NDUFAF6: variants seen among roughly 807,000 people sequenced by gnomAD.
The protein encoded by NDUFAF6 is NADH dehydrogenase (ubiquinone) complex I, assembly factor 6.
In NDUFAF6, 45 loss-of-function variants were observed where a neutral mutation model predicts 40.8. The observed-to-expected ratio is 1.10, with a 90% CI of 0.87 to 1.42. The LOEUF (loss-of-function observed/expected upper bound fraction) is 1.42, where lower values mean the gene tolerates loss of function less well. Among genes scored for constraint, NDUFAF6 ranks in the 40% most tolerant of loss-of-function variants. The pLI is 0.00. For missense variants in NDUFAF6, 435 were observed against 418.5 expected (o/e 1.04, Z -0.34); for synonymous variants, 185 against 155.9 (o/e 1.19, Z -1.39).
intron 1 of NDUFAF6, among the ~76,000 whole-genome samples, chr8:94,937,547 GGGA>G (rs1821107997): frequency 6.6e-6 from 1 of 152,122 alleles, no homozygotes; most frequent in East Asian, 1.9e-4. Context: ...AGAAGGGATG[GGGA>G]GGAGGATGCT....
chr8:94,997,393 G>A (rs760862782), intron 2 of NDUFAF6, among the ~76,000 whole-genome samples: 1 of 151,434 alleles, frequency 6.6e-6, no homozygotes, highest in Non-Finnish European at 1.5e-5. Context: ...GACAGATTTT[G>A]AGTATTTAAT....
chr8:95,058,186 G>T lies in NDUFAF6; in HGVS notation c.*249G>T. The T allele has an allele frequency of 7.0e-7, 1 of 1,420,112 alleles. No individual in the cohort carries two copies. Among genetic ancestry groups the T allele is most frequent in the South Asian group, 1.6e-5 (1 of 61,538 alleles). The allele number at this position is 1,420,112 out of a possible 1,614,324, so 88.0% of individuals were successfully genotyped here. A position where few individuals can be genotyped will look rare whatever the true frequency, so the allele number is the denominator to read the frequency against. ...TGCTGTGCTGTCCCTGGAAGCTGGA[G>T]CTCCAACAGGGAATATTGGTGTAGC... is the stretch of plus-strand genomic sequence containing the variant. On this transcript the variant is annotated 3_prime_UTR_variant, in exon 9 of 9. Transcript: ENST00000396124.
chr8:95,028,333 C>T (rs1445714327), intron 1 of NDUFAF6, among the ~76,000 whole-genome samples: 1 of 152,138 alleles, frequency 6.6e-6, no homozygotes, highest in East Asian at 1.9e-4. Flanking sequence ...TTATCTGGGA[C>T]TGGATAATCT....
chr8:94,896,079 C>G (rs1035937201), intron 1 of NDUFAF6, among the ~76,000 whole-genome samples: 1 of 152,218 alleles, frequency 6.6e-6, no homozygotes, highest in Non-Finnish European at 1.5e-5. Flanking sequence ...CGCGCCACGC[C>G]GCGCCCTCCC....
rs866556035 is a variant in NDUFAF6 at position 95,014,750 on chromosome 8, A to G, written c.-83-17245A>G. On this transcript the variant is annotated intron_variant, in intron 2 of 9. Transcript: ENST00000396111. ...GTCTATGAATACTTTAGGCACAGCT[A>G]GGATTTGGGGATCAACCCATATTGT... 2.6e-5 allele frequency among the ~76,000 whole-genome samples: 4 copies of G among 152,336 alleles called. 1 individual carries two copies. Among genetic ancestry groups the G allele is most frequent in the South Asian group, 2.1e-4 (1 of 4,830 alleles).
At chr8:95,043,044 A>G (rs570435725) in intron 4 of NDUFAF6, among the ~76,000 whole-genome samples, 32 of 152,100 alleles carry the variant, frequency 2.1e-4, no homozygotes, top group Admixed American at 6.5e-4. Context: ...AGGGGAAAGC[A>G]TAGGTGTAAA....
rs910314252 is a variant in NDUFAF6, at chr8:95,102,121, C to T, written n.231-855C>T. On this transcript the variant is annotated intron_variant and non_coding_transcript_variant, in intron 2 of 2. Transcript: ENST00000521063. ...CAAGTGATTCTCCTGCTTCAGCTTC[C>T]CAAGTAGTTGGGATTACAGTGCCCG... 4.6e-5 allele frequency among the ~76,000 whole-genome samples: 7 copies of T among 152,264 alleles called. 1 individual carries two copies.
chr8:94,999,754 C>A (rs1826632141), intron 2 of NDUFAF6, among the ~76,000 whole-genome samples: 1 of 152,084 alleles, frequency 6.6e-6, no homozygotes, highest in South Asian at 2.1e-4. Flanking sequence ...TCATAACTTT[C>A]TACATTGATT....
chr8:94,932,717 G>A (rs1290299011), intron 1 of NDUFAF6, among the ~76,000 whole-genome samples: 1 of 152,106 alleles, frequency 6.6e-6, no homozygotes. Flanking sequence ...GCAGGAGAAC[G>A]GCATGAACCC....
intron 1 of NDUFAF6, among the ~76,000 whole-genome samples, chr8:94,910,281 T>A (rs1263858058): frequency 6.6e-6 from 1 of 152,172 alleles, no homozygotes; most frequent in Admixed American, 6.5e-5. Context: ...GCCTCCCAAG[T>A]AGCTGGGATT....
chr8:94,949,572 C>G (rs965229380), intron 2 of NDUFAF6, among the ~76,000 whole-genome samples: 8 of 152,002 alleles, frequency 5.3e-5, no homozygotes, highest in Middle Eastern at 6.8e-3. Context: ...AAACCGGGAG[C>G]TGAGCGTGAA....
At chr8:95,088,089 C>G (rs1809109044) in intron 2 of NDUFAF6, among the ~76,000 whole-genome samples, 1 of 152,208 alleles carries the variant, frequency 6.6e-6, no homozygotes, top group Admixed American at 6.5e-5. Flanking sequence ...TGCTCGCCAC[C>G]CCCATGAGGT....
chr8:95,094,972 G>A (rs1809405925), intron 2 of NDUFAF6, among the ~76,000 whole-genome samples: 1 of 151,036 alleles, frequency 6.6e-6, no homozygotes, highest in African/African-American at 2.5e-5. Flanking sequence ...TCACTGTGTT[G>A]CCCAGGTTGG....
chr8:94,976,359 C>G (rs1176197057), intron 1 of NDUFAF6, among the ~76,000 whole-genome samples: 1 of 151,528 alleles, frequency 6.6e-6, no homozygotes, highest in Non-Finnish European at 1.5e-5. Flanking sequence ...CAAAAATTAG[C>G]TGGGTGTGGT....
intron 2 of NDUFAF6, among the ~76,000 whole-genome samples, chr8:94,996,762 A>G (rs771840471): frequency 6.6e-6 from 1 of 152,172 alleles, no homozygotes; most frequent in Non-Finnish European, 1.5e-5. Context: ...CTAAAATGAC[A>G]TCATTAGGGT....
chr8:95,114,790 T>C (rs1294725556), intron 4 of NDUFAF6, among the ~76,000 whole-genome samples: 2 of 152,188 alleles, frequency 1.3e-5, no homozygotes, highest in African/African-American at 2.4e-5. Context: ...CTTTAACATA[T>C]TGTTGAGATT....
At chr8:94,959,295 G>A (rs1823355907) in intron 1 of NDUFAF6, among the ~76,000 whole-genome samples, 1 of 152,148 alleles carries the variant, frequency 6.6e-6, no homozygotes, top group African/African-American at 2.4e-5. Flanking sequence ...TGTAAAGGAG[G>A]AAACACATTC....
At chr8:94,981,344 G>C (rs1825428757) in intron 2 of NDUFAF6, among the ~76,000 whole-genome samples, 1 of 152,200 alleles carries the variant, frequency 6.6e-6, no homozygotes, top group Non-Finnish European at 1.5e-5. Context: ...GAACGTCCTA[G>C]TCTCTAGAAC....
chr8:95,110,334 C>A (rs2132086180), intron 4 of NDUFAF6, among the ~76,000 whole-genome samples: 1 of 152,346 alleles, frequency 6.6e-6, no homozygotes, highest in East Asian at 1.9e-4. Flanking sequence ...TCTACAGGCA[C>A]AATTTCATTG....
Sources: gnomAD v4.1 joint callset for allele counts (sites outside exome capture counted in the v4.1 genomes callset) on GRCh38, gnomAD v4.1.1 for gene constraint, MANE v1.5 for transcripts, NCBI Gene and HGNC (gene_info 2026-07-23, HGNC 2026-07-21) for gene names.